Variants in KNTC1 observed in about 807,000 individuals in gnomAD.
KNTC1 encodes the protein kinetochore associated 1, also known as kinetochore-associated protein 1.
A neutral mutation model predicts 314.4 loss-of-function variants in KNTC1; 253 were observed. The observed-to-expected ratio is 0.80, with a 90% CI of 0.73 to 0.89. The LOEUF (loss-of-function observed/expected upper bound fraction) is 0.89. Ranked by LOEUF, KNTC1 falls within the 40% of genes least tolerant of loss-of-function variation. The pLI is 0.00. For synonymous variants in KNTC1, 901 were observed against 901.4 expected, an observed-to-expected ratio of 1.00 and a Z score of 0.01; for missense variants, 2,475 against 2,572.9, an observed-to-expected ratio of 0.96 and a Z score of 0.82.
In KNTC1 at chr12:122,586,752, A is replaced by C. The variant is rs575582844; in HGVS notation, c.3725A>C (p.Asn1242Thr). The change falls in exon 38 of 64, where the codon AAT (asparagine) becomes ACT (threonine). Residue 1242 changes from asparagine to threonine, a missense_variant. Physicochemically the swap from Asn to Thr is moderately conservative, Grantham distance 65 (BLOSUM62 0). Coordinates refer to ENST00000333479, the MANE Select transcript of KNTC1 (RefSeq NM_014708.6). Reference sequence around the variant, plus strand: ...ACCAGTTTGCCATACTGCTCCCTTAATGAAGGTATTTGGCACAAGAAATAT... The same window carrying C: ...ACCAGTTTGCCATACTGCTCCCTTACTGAAGGTATTTGGCACAAGAAATAT... ...ESTSLPYCSL[N>T]EGDGLVLPVI... 159 of 1,415,874 alleles carry C rather than the reference A, an allele frequency of 1.1e-4. 1 individual carries two copies. In the South Asian group the frequency reaches 2.2e-3, roughly 20 times the overall value. The allele number at this position is 1,415,874 out of a possible 1,614,324, so 87.7% of individuals were successfully genotyped here.
chr12:122,547,539 T>C lies in KNTC1; in HGVS notation c.932+9T>C, dbSNP rs576684271. ...CCTTCATCAGTCACGTGGTATGTTA[T>C]GACTATGGCTAGTAGTCATTTCCCT... On this transcript the variant is annotated intron_variant, in intron 11 of 63. Coordinates refer to ENST00000333479, the MANE Select transcript of KNTC1 (RefSeq NM_014708.6). 22 of 1,507,892 alleles carry C rather than the reference T, an allele frequency of 1.5e-5. No individual in the cohort carries two copies. The highest frequency in any genetic ancestry group is 1.2e-4 in the African/African-American group (9 of 72,954). 93.4% of individuals were successfully genotyped at this position (1,507,892 alleles called of 1,614,324 possible).
chr12:122,600,466 A>T (rs896523400), intron 44 of KNTC1, among the ~76,000 whole-genome samples: 1 of 152,202 alleles, frequency 6.6e-6, no homozygotes, highest in Non-Finnish European at 1.5e-5. Flanking sequence ...TATAGTATAT[A>T]GTTAGAGCTA....
chr12:122,613,519 A>G, intron 54 of KNTC1, 107 bp from the exon 55 acceptor site: 1 of 1,045,094 alleles, frequency 9.6e-7, no homozygotes, highest in East Asian at 2.7e-5. Context: ...GGAAGTCCAA[A>G]ATGGACATTT....
At chr12:122,618,747 C>T (rs929802942) in intron 59 of KNTC1, among the ~76,000 whole-genome samples, 2 of 151,950 alleles carry the variant, frequency 1.3e-5, no homozygotes, top group Non-Finnish European at 2.9e-5. Context: ...CGGCTCACTG[C>T]ACCCTCCACC....
chr12:122,545,666 G>A (rs1962705681), intron 8 of KNTC1, among the ~76,000 whole-genome samples: 1 of 152,118 alleles, frequency 6.6e-6, no homozygotes, highest in African/African-American at 2.4e-5. Context: ...AAATATTTAT[G>A]TGAAGGCTGG....
Position 122,594,390 on chromosome 12 carries a change from T to G in KNTC1, c.4355+5T>G. ...CCTCATTTTGGAATATTGCAGGTAATTCTTTAAACATTAACGGTATTTTTG... is the reference window on the plus strand; with the variant it reads ...CCTCATTTTGGAATATTGCAGGTAAGTCTTTAAACATTAACGGTATTTTTG... On this transcript the variant is annotated splice_donor_5th_base_variant and intron_variant, in intron 43 of 63. Transcript: ENST00000333479. The G allele has an allele frequency of 1.4e-6, 2 of 1,451,618 alleles. No individual in the cohort carries two copies. Among genetic ancestry groups the G allele is most frequent in the Non-Finnish European group, 1.9e-6 (2 of 1,037,800 alleles). 89.9% of individuals were successfully genotyped at this position (1,451,618 alleles called of 1,614,324 possible).
chr12:122,533,088 T>C (rs1961504012), intron 2 of KNTC1, among the ~76,000 whole-genome samples: 1 of 151,354 alleles, frequency 6.6e-6, no homozygotes. Context: ...CTTTGGGCCT[T>C]AAGAAGGAGA....
chr12:122,615,457 T>C lies in KNTC1; in HGVS notation c.5974-13T>C. ...GTGGTCTTTAGAACTTTTTTATTTT[T>C]AATTTTTTACAGATTCCTTATCTAA... On this transcript the variant is annotated splice_polypyrimidine_tract_variant and intron_variant, in intron 56 of 63. Transcript: ENST00000333479. The C allele has an allele frequency of 6.7e-7, 1 of 1,503,108 alleles. No individual in the cohort carries two copies. Among genetic ancestry groups the C allele is most frequent in the Non-Finnish European group, 8.9e-7 (1 of 1,121,766 alleles). 93.1% of individuals were successfully genotyped at this position (1,503,108 alleles called of 1,614,324 possible).
Position 122,561,977 on chromosome 12 carries a change from A to G in KNTC1, c.1542+3A>G, listed in dbSNP as rs759027250. 12 of 1,596,994 alleles carry G rather than the reference A, an allele frequency of 7.5e-6. No homozygotes were observed. The highest frequency in any genetic ancestry group is 9.4e-6 in the Non-Finnish European group (11 of 1,168,594). ...TTTATTCTGATGGCTTGAAAGAGGT[A>G]ATTACACTAGATTTCTAGGTTAATA... On this transcript the variant is annotated splice_donor_region_variant and intron_variant, in intron 19 of 63. Coordinates refer to ENST00000333479, the MANE Select transcript of KNTC1 (RefSeq NM_014708.6).
chr12:122,571,241 T>C (rs1964663916), intron 24 of KNTC1, 115 bp downstream of exon 24: 1 of 706,812 alleles, frequency 1.4e-6, no homozygotes, highest in South Asian at 3.3e-5. Context: ...TTCTGTTTTT[T>C]TGTGCCTTTT....
At chr12:122,594,501 G>T in intron 43 of KNTC1, 116 bp downstream of exon 43, 2 of 641,076 alleles carry the variant, frequency 3.1e-6, no homozygotes, top group Admixed American at 2.9e-5. Flanking sequence ...ATTTTCTTTT[G>T]CTCATTCCCA....
In KNTC1 at chr12:122,597,921, A is replaced by G. The variant is rs1325652304; in HGVS notation, c.4546A>G (p.Ser1516Gly). The G allele has an allele frequency of 3.7e-6, 6 of 1,613,892 alleles. No individual in the cohort carries two copies. The Admixed American group carries it at 8.3e-5, about 22-fold the overall frequency. The change falls in exon 44 of 64, where the codon AGT becomes GGT. Residue 1516 changes from serine (S) to glycine (G), a missense_variant. Coordinates refer to ENST00000333479, the MANE Select transcript of KNTC1 (RefSeq NM_014708.6). Reference sequence around the variant, plus strand: ...CACAAAAGATTTGGTCATCAGTCTTAGTGGAATACTACATAAGGTAGACAC... The same window carrying G: ...CACAAAAGATTTGGTCATCAGTCTTGGTGGAATACTACATAAGGTAGACAC... ...TSTKDLVISL[S>G]GILHKLDPYD...
At chr12:122,597,280 G>C (rs1593646779) in intron 43 of KNTC1, 1 of 108,540 alleles carries the variant, frequency 9.2e-6, no homozygotes, top group South Asian at 2.8e-4. Context: ...ATGGAGCCTT[G>C]CTCTGTTGCC....
At chr12:122,616,871 T>C (rs1325876754) in intron 57 of KNTC1, among the ~76,000 whole-genome samples, 1 of 152,146 alleles carries the variant, frequency 6.6e-6, no homozygotes, top group African/African-American at 2.4e-5. Flanking sequence ...AAAATTCATA[T>C]CCATTAGCAA....
chr12:122,620,386 C>T, intron 59 of KNTC1, 93 bp from the exon 60 acceptor site: 1 of 1,188,064 alleles, frequency 8.4e-7, no homozygotes, highest in Non-Finnish European at 1.2e-6. Flanking sequence ...TTATTGAAAA[C>T]TTGGACAGGC....
intron 43 of KNTC1, among the ~76,000 whole-genome samples, chr12:122,596,701 G>A (rs1871105574): frequency 6.6e-6 from 1 of 152,168 alleles, no homozygotes. Context: ...ATTCACTGAA[G>A]TGTTGTGGCG....
intron 18 of KNTC1, among the ~76,000 whole-genome samples, chr12:122,560,486 C>T (rs1963902581): frequency 6.6e-6 from 1 of 152,096 alleles, no homozygotes; most frequent in Admixed American, 6.6e-5. Flanking sequence ...GATTCTCTCG[C>T]CTCAGCCTCC....
At chr12:122,609,193 T>A (rs1872852415) in intron 51 of KNTC1, 191 bp from the exon 52 acceptor site, 1 of 568,658 alleles carries the variant, frequency 1.8e-6, no homozygotes, top group African/African-American at 1.9e-5. Context: ...CAGTGAATAT[T>A]TGTTGAGTAA....
intron 16 of KNTC1, among the ~76,000 whole-genome samples, chr12:122,552,875 A>G (rs1207440678): frequency 6.6e-6 from 1 of 152,150 alleles, no homozygotes; most frequent in Non-Finnish European, 1.5e-5. Flanking sequence ...AATATAGGCC[A>G]GGTGCGGTGG....
Sources: gnomAD v4.1 joint callset for allele counts (sites outside exome capture counted in the v4.1 genomes callset) on GRCh38, gnomAD v4.1.1 for gene constraint, MANE v1.5 for transcripts, NCBI Gene and HGNC (gene_info 2026-07-23, HGNC 2026-07-21) for gene names.